The following PLEKHM3 variants were observed in gnomAD, a reference collection of about 807,000 sequenced individuals.
PLEKHM3 encodes pleckstrin homology domain-containing family M member 3.
A neutral mutation model predicts 81.8 loss-of-function variants in PLEKHM3; 45 were observed. That is an observed-to-expected ratio of 0.55 (90% CI 0.43 to 0.71). The LOEUF is 0.71. Ranked by LOEUF, PLEKHM3 falls within the 30% of genes least tolerant of loss-of-function variation. PLEKHM3 has a pLI of 0.00. For synonymous variants in PLEKHM3, 352 were observed against 356.4 expected (o/e 0.99, Z 0.14); for missense variants, 788 against 924.3 (o/e 0.85, Z 1.91).
At chr2:207,974,344 G>A (rs1691229403) in intron 3 of PLEKHM3, among the ~76,000 whole-genome samples, 2 of 152,044 alleles carry the variant, frequency 1.3e-5, no homozygotes, top group South Asian at 4.1e-4. Context: ...CCTTCCTCTT[G>A]AGTGTCAGGA....
In PLEKHM3 at chr2:208,004,943, A is replaced by G. The variant is rs1371784392; in HGVS notation, c.-318-2986T>C. 3.9e-5 allele frequency among the ~76,000 whole-genome samples: 6 copies of G among 152,090 alleles called. No homozygotes were observed. In the East Asian group the frequency reaches 1.2e-3, roughly 29 times the overall value. On this transcript the variant is annotated intron_variant, in intron 1 of 7. Transcript: ENST00000427836. ...GGCGTTCAAGCGATTCTCCTGCCTC[A>G]ACCTCCTGAGTAGTGGGGATTAAAG...
chr2:207,873,328 C>G (rs2092544648), intron 6 of PLEKHM3, among the ~76,000 whole-genome samples: 1 of 152,136 alleles, frequency 6.6e-6, no homozygotes, highest in South Asian at 2.1e-4. Flanking sequence ...GCTCTATGAC[C>G]TTTTCTGTTA....
intron 3 of PLEKHM3, among the ~76,000 whole-genome samples, chr2:207,970,211 G>A (rs1399418639): frequency 9.1e-5 from 13 of 142,796 alleles, no homozygotes; most frequent in Admixed American, 8.2e-4. Flanking sequence ...GCAGGGGAGA[G>A]GAGAGAGAGG....
intron 3 of PLEKHM3, among the ~76,000 whole-genome samples, chr2:207,973,095 T>C (rs1691182694): frequency 6.6e-6 from 1 of 152,226 alleles, no homozygotes; most frequent in Non-Finnish European, 1.5e-5. Context: ...CTTAAAATAA[T>C]ACGTAAAGCC....
intron 6 of PLEKHM3, among the ~76,000 whole-genome samples, chr2:207,905,016 T>A (rs541640331): frequency 6.6e-6 from 1 of 152,172 alleles, no homozygotes; most frequent in East Asian, 1.9e-4. Context: ...TTCTTACCTA[T>A]TTTTTTTCTT....
At chr2:208,007,777 C>T (rs906663906) in intron 1 of PLEKHM3, among the ~76,000 whole-genome samples, 13 of 151,748 alleles carry the variant, frequency 8.6e-5, no homozygotes, top group East Asian at 1.9e-4. Flanking sequence ...AAAAATAGGC[C>T]GGGCGCAGTG....
rs569499494 is a variant in PLEKHM3, at chr2:207,947,542, A to G, written c.1547-1030T>C. ...ATCCAGAACAGGTCATCAAGAATAC[A>G]CAAACAGCATCATTAATCTGACATT... is the stretch of plus-strand genomic sequence containing the variant. On this transcript the variant is annotated intron_variant, in intron 3 of 7. Coordinates refer to ENST00000427836, the MANE Select transcript of PLEKHM3 (RefSeq NM_001080475.3). 3.3e-5 allele frequency among the ~76,000 whole-genome samples: 5 copies of G among 152,358 alleles called. No individual in the cohort carries two copies. In the South Asian group the frequency reaches 1.0e-3, roughly 32 times the overall value.
chr2:207,861,401 A>C, intron 6 of PLEKHM3, 139 bp from the exon 7 acceptor site: 3 of 1,021,658 alleles, frequency 2.9e-6, no homozygotes, highest in Non-Finnish European at 4.2e-6. Flanking sequence ...CTGAGGAAGA[A>C]AAGACATAGT....
At chr2:207,839,924 C>T (rs2092340771) in intron 7 of PLEKHM3, among the ~76,000 whole-genome samples, 1 of 152,150 alleles carries the variant, frequency 6.6e-6, no homozygotes, top group Non-Finnish European at 1.5e-5. Context: ...GAGACCCTGT[C>T]TCTAAATAAA....
chr2:207,947,076 T>C (rs1323100785), intron 3 of PLEKHM3, among the ~76,000 whole-genome samples: 2 of 152,220 alleles, frequency 1.3e-5, no homozygotes, highest in African/African-American at 2.4e-5. Context: ...AGCCTTCCTT[T>C]GCTTACCAAA....
At position 208,001,710 on chromosome 2, in the gene PLEKHM3, C is replaced by G; in HGVS notation, c.-71G>C. The G allele has an allele frequency of 6.5e-7, 1 of 1,535,334 alleles. No individual in the cohort carries two copies. The highest frequency in any genetic ancestry group is 8.7e-7 in the Non-Finnish European group (1 of 1,149,228). On this transcript the variant is annotated 5_prime_UTR_variant, in exon 2 of 8. Transcript: ENST00000427836. Reference sequence around the variant, plus strand: ...ATGGCTTCATGAACATTCACCCAACCAAGAGGGGTGCTTCAGCAATAGAGC... The same window carrying G: ...ATGGCTTCATGAACATTCACCCAACGAAGAGGGGTGCTTCAGCAATAGAGC...
chr2:207,874,960 C>G (rs2092553284), intron 6 of PLEKHM3, among the ~76,000 whole-genome samples: 1 of 151,656 alleles, frequency 6.6e-6, no homozygotes, highest in Non-Finnish European at 1.5e-5. Context: ...ATTTTTAAAA[C>G]TATAACATTA....
At chr2:207,871,549 A>T (rs1326000221) in intron 6 of PLEKHM3, among the ~76,000 whole-genome samples, 1 of 152,200 alleles carries the variant, frequency 6.6e-6, no homozygotes, top group Non-Finnish European at 1.5e-5. Flanking sequence ...AGATTTAAAA[A>T]ATTTCAATTT....
chr2:207,943,625 T>G (rs1203903615), intron 4 of PLEKHM3, among the ~76,000 whole-genome samples: 1 of 151,898 alleles, frequency 6.6e-6, no homozygotes, highest in African/African-American at 2.4e-5. Context: ...TCCCAGCACT[T>G]TGGGAGGCCG....
chr2:207,843,070 C>T lies in PLEKHM3; in HGVS notation c.2109-14574G>A, dbSNP rs1186674012. Among the ~76,000 whole-genome samples the T allele has an allele frequency of 1.3e-5, 2 of 152,206 alleles. No homozygotes were observed. The highest frequency in any genetic ancestry group is 2.9e-5 in the Non-Finnish European group (2 of 68,038). ...CAAGCGATCTTCCCTCCCACCACAGCTACCAGTGTAGCTAAAGCTACGGGT... is the reference window on the plus strand; with the variant it reads ...CAAGCGATCTTCCCTCCCACCACAGTTACCAGTGTAGCTAAAGCTACGGGT... On this transcript the variant is annotated intron_variant, in intron 7 of 7. Coordinates refer to ENST00000427836, the MANE Select transcript of PLEKHM3 (RefSeq NM_001080475.3). The surrounding 1 kb of genome is among the most constrained non-coding windows in gnomAD (Gnocchi z 4.4).
chr2:207,865,801 A>ATATATATAT (rs1192139812), intron 6 of PLEKHM3, among the ~76,000 whole-genome samples: 8 of 25,284 alleles, frequency 3.2e-4, no homozygotes, highest in African/African-American at 1.5e-3. Context: ...AAAAAAAAAA[A>ATATATATAT]AGATATATAT....
In PLEKHM3 at chr2:207,919,212, G is replaced by T. The variant is rs564633771; in HGVS notation, c.1887-10635C>A. ...CAGAGGGAAAGGAAAAGCAAGTATA[G>T]AAACTAAGGTAGCAGCCAGCTTGGT... On this transcript the variant is annotated intron_variant, in intron 5 of 7. Coordinates refer to ENST00000427836, the MANE Select transcript of PLEKHM3 (RefSeq NM_001080475.3). Among the ~76,000 whole-genome samples the T allele has an allele frequency of 1.2e-4, 19 of 152,294 alleles. No homozygotes were observed. The East Asian group carries it at 3.5e-3, about 28-fold the overall frequency.
At chr2:207,891,434 T>A (rs1008711285) in intron 6 of PLEKHM3, among the ~76,000 whole-genome samples, 1 of 152,182 alleles carries the variant, frequency 6.6e-6, no homozygotes, top group Non-Finnish European at 1.5e-5. Context: ...AGGCATAAGT[T>A]TAAATAAATT....
At chr2:207,847,002 A>G (rs936832060) in intron 7 of PLEKHM3, among the ~76,000 whole-genome samples, 2 of 152,220 alleles carry the variant, frequency 1.3e-5, no homozygotes, top group African/African-American at 4.8e-5. Context: ...ACGATGAACA[A>G]TTCCTCTTTA....
Sources: allele counts gnomAD v4.1 joint callset (sites outside exome capture counted in the v4.1 genomes callset), GRCh38; gene constraint gnomAD v4.1.1; non-coding constraint Gnocchi (gnomAD v3.1); transcripts MANE v1.5; gene names NCBI Gene and HGNC (gene_info 2026-07-23, HGNC 2026-07-21).